Variants in MALRD1 observed in about 807,000 individuals in gnomAD.
The protein encoded by MALRD1 is MAM and LDL-receptor class A domain-containing protein 1.
Under a neutral mutation model 242.1 loss-of-function variants are expected in MALRD1, and 247 were observed. The observed-to-expected ratio is 1.02, with a 90% CI of 0.92 to 1.13. MALRD1 has a LOEUF of 1.13. Among genes scored for constraint, MALRD1 ranks in the 50% most tolerant of loss-of-function variants. The pLI is 0.00. For missense variants in MALRD1, 2,989 were observed against 2,533.1 expected (o/e 1.18, Z -3.86); for synonymous variants, 995 against 866.6 (o/e 1.15, Z -2.60).
chr10:19,473,068 C>G (rs544258680), intron 29 of MALRD1, among the ~76,000 whole-genome samples: 6 of 147,552 alleles, frequency 4.1e-5, no homozygotes, highest in Admixed American at 6.8e-5. Flanking sequence ...TTTTTGGCAT[C>G]CAAAGCTTGT....
chr10:19,226,428 T>C (rs752223642), intron 18 of MALRD1, among the ~76,000 whole-genome samples: 3 of 152,156 alleles, frequency 2.0e-5, no homozygotes, highest in Non-Finnish European at 2.9e-5. Flanking sequence ...AAAAATGCAA[T>C]GATGTCCTCT....
intron 36 of MALRD1, among the ~76,000 whole-genome samples, chr10:19,670,879 A>G (rs564704563): frequency 7.4e-6 from 1 of 134,276 alleles, no homozygotes; most frequent in African/African-American, 2.8e-5. Context: ...CAAAACAATC[A>G]TTTTTTTTTT....
At chr10:19,664,922 T>C (rs1262387527) in intron 36 of MALRD1, among the ~76,000 whole-genome samples, 3 of 152,104 alleles carry the variant, frequency 2.0e-5, no homozygotes, top group Non-Finnish European at 4.4e-5. Flanking sequence ...TCACCTATCA[T>C]CAAAAATTTA....
At chr10:19,349,734 C>A (rs1340944241) in intron 25 of MALRD1, among the ~76,000 whole-genome samples, 2 of 152,078 alleles carry the variant, frequency 1.3e-5, no homozygotes. Flanking sequence ...TTCTGAAAAT[C>A]ACAAATTCAT....
chr10:19,265,914 A>G (rs1839955699), intron 19 of MALRD1, among the ~76,000 whole-genome samples: 1 of 151,862 alleles, frequency 6.6e-6, no homozygotes, highest in Admixed American at 6.6e-5. Context: ...GAGTACATAT[A>G]TATTTATAAT....
At chr10:19,665,950 G>T (rs974229198) in intron 36 of MALRD1, among the ~76,000 whole-genome samples, 1 of 151,080 alleles carries the variant, frequency 6.6e-6, no homozygotes, top group Non-Finnish European at 1.5e-5. Flanking sequence ...CAGTGCTTTC[G>T]CTGTGGCCCT....
In MALRD1 at chr10:19,283,072, A is replaced by G. The variant is rs1204698984; in HGVS notation, c.3310A>G (p.Ile1104Val). 6.5e-7 allele frequency: 1 copy of G among 1,550,010 alleles called. No homozygotes were observed. Residue 1104 changes from isoleucine to valine, a missense_variant, in exon 21 of 40, where the codon ATC (isoleucine) becomes GTC (valine). Physicochemically the swap from Ile to Val is conservative, Grantham distance 29. Coordinates refer to ENST00000454679, the MANE Select transcript of MALRD1 (RefSeq NM_001142308.3). The part of the protein sequence containing the change: ...KRSLCKWYQP[I>V]PVHLLQDSNT... Reference sequence around the variant, plus strand: ...AAGCCTGTGTAAATGGTATCAACCAATCCCAGTACATTTGCTTCAAGATTC... The same window carrying G: ...AAGCCTGTGTAAATGGTATCAACCAGTCCCAGTACATTTGCTTCAAGATTC...
At position 19,075,832 on chromosome 10, in the gene MALRD1, T is replaced by G. The variant is rs181812844; in HGVS notation, c.340+8973T>G. Among the ~76,000 whole-genome samples, 142 of 152,202 alleles carry G rather than the reference T, an allele frequency of 9.3e-4. 1 individual carries two copies. The highest frequency in any genetic ancestry group is 2.0e-3 in the Admixed American group (31 of 15,270). On this transcript the variant is annotated intron_variant, in intron 2 of 39. Transcript: ENST00000454679. ...TTGTTTTAAGCCACTAGGTGTGTAG[T>G]AACTTGTTATGGAAGCAATAGAAAA...
At chr10:19,238,016 TGTAATTTTATAC>T in intron 18 of MALRD1, among the ~76,000 whole-genome samples, 1 of 39,446 alleles carries the variant, frequency 2.5e-5, no homozygotes, top group African/African-American at 9.1e-5. Context: ...TATAATTATA[TGTAATTTTATAC>T]AGTTATATAT....
chr10:19,235,579 AGAGAGAG>A (rs1838279401), intron 18 of MALRD1, among the ~76,000 whole-genome samples: 2 of 3,226 alleles, frequency 6.2e-4, no homozygotes, highest in African/African-American at 5.8e-3. Flanking sequence ...CCACACCCAC[AGAGAGAG>A]AGAGAGAGAG....
chr10:19,677,747 C>T (rs1478862509), intron 36 of MALRD1, among the ~76,000 whole-genome samples: 1 of 152,158 alleles, frequency 6.6e-6, no homozygotes, highest in Non-Finnish European at 1.5e-5. Flanking sequence ...TTGCCCATGC[C>T]TATATCCTGA....
At position 19,556,647 on chromosome 10, in the gene MALRD1, C is replaced by G. The variant is rs140783861; in HGVS notation, c.5479-10855C>G. On this transcript the variant is annotated intron_variant, in intron 32 of 39. Transcript: ENST00000454679. ...TCCATACTATGGATGTGCCAGAGTT[C>G]GTTTATTCACCAGTTCAAAGACATG... is the stretch of plus-strand genomic sequence containing the variant. Among the ~76,000 whole-genome samples, 232 of 152,166 alleles carry G rather than the reference C, an allele frequency of 1.5e-3. 3 individuals carry two copies. Among genetic ancestry groups the G allele is most frequent in the African/African-American group, 5.5e-3 (227 of 41,534 alleles).
chr10:19,645,741 G>A (rs1442739010), intron 36 of MALRD1, among the ~76,000 whole-genome samples: 1 of 151,348 alleles, frequency 6.6e-6, no homozygotes, highest in Admixed American at 6.6e-5. Context: ...GGTGGGAGGA[G>A]GGGGGAGGGA....
At chr10:19,661,276 C>T (rs1332464152) in intron 36 of MALRD1, among the ~76,000 whole-genome samples, 10 of 152,148 alleles carry the variant, frequency 6.6e-5, no homozygotes, top group Non-Finnish European at 1.5e-4. Flanking sequence ...CCAGCCATCC[C>T]ATTACTGGGT....
In MALRD1 at chr10:19,306,056, TTATAC is replaced by T. The variant is rs1842166698; in HGVS notation, c.3420-17883_3420-17879del. On this transcript the variant is annotated intron_variant, in intron 21 of 39. Transcript: ENST00000454679. Reference sequence around the variant, plus strand: ...TATATATTATATAGTATACAATTTATTATACTATACTATATATACTATATACTATA... The same window carrying T: ...TATATATTATATAGTATACAATTTATTATACTATATATACTATATACTATA... Among the ~76,000 whole-genome samples the T allele has an allele frequency of 3.0e-5, 3 of 100,744 alleles. No homozygotes were observed. In the South Asian group the frequency reaches 7.5e-4, roughly 25 times the overall value. The allele number at this position is 100,744 out of a possible 152,430, so 66.1% of individuals were successfully genotyped here.
At chr10:19,377,004 A>G (rs1323732671) in intron 26 of MALRD1, among the ~76,000 whole-genome samples, 1 of 152,228 alleles carries the variant, frequency 6.6e-6, no homozygotes, top group African/African-American at 2.4e-5. Flanking sequence ...GAGAATGATT[A>G]AGGTAAAATA....
At chr10:19,203,686 A>G (rs1836653580) in intron 14 of MALRD1, 42 bp from the exon 15 acceptor site, 2 of 1,485,022 alleles carry the variant, frequency 1.3e-6, no homozygotes, top group African/African-American at 1.4e-5. Flanking sequence ...GTGTGGGAGC[A>G]GTTTGGAGAG....
Position 19,102,329 on chromosome 10 carries a change from A to G in MALRD1, c.598-1650A>G, listed in dbSNP as rs577307627. Among the ~76,000 whole-genome samples, 8 of 151,768 alleles carry G rather than the reference A, an allele frequency of 5.3e-5. No individual in the cohort carries two copies. In the South Asian group the frequency reaches 1.0e-3, roughly 20 times the overall value. On this transcript the variant is annotated intron_variant, in intron 4 of 39. Transcript: ENST00000454679. ...TGCCAGGCCTTTGCAAAATGGTTCT[A>G]TTTTCTAAGTAGTTACACTTATTTT...
At chr10:19,522,807 G>A (rs1833941051) in intron 31 of MALRD1, among the ~76,000 whole-genome samples, 1 of 152,008 alleles carries the variant, frequency 6.6e-6, no homozygotes, top group South Asian at 2.1e-4. Flanking sequence ...TTTAACTCAG[G>A]CAGTTTGACT....
Sources: gnomAD v4.1 joint callset for allele counts (sites outside exome capture counted in the v4.1 genomes callset) on GRCh38, gnomAD v4.1.1 for gene constraint, MANE v1.5 for transcripts, NCBI Gene and HGNC (gene_info 2026-07-23, HGNC 2026-07-21) for gene names.